The following NOL8 variants were observed in gnomAD, a reference collection of about 807,000 sequenced individuals.
NOL8 encodes nucleolar protein 8.
Under a neutral mutation model 116.1 loss-of-function variants are expected in NOL8, and 93 were observed. That is an observed-to-expected ratio of 0.80 (90% confidence interval 0.68 to 0.95). The LOEUF (loss-of-function observed/expected upper bound fraction) is 0.95, where lower values mean the gene tolerates loss of function less well. Ranked by LOEUF, NOL8 falls within the 40% of genes least tolerant of loss-of-function variation. The pLI is 0.00. For synonymous variants in NOL8, 419 were observed against 469.0 expected (o/e 0.89, Z 1.38); for missense variants, 1,291 against 1,382.8 (o/e 0.93, Z 1.05).
At chr9:92,307,852 G>A (rs1437443337) in intron 10 of NOL8, among the ~76,000 whole-genome samples, 1 of 152,174 alleles carries the variant, frequency 6.6e-6, no homozygotes, top group African/African-American at 2.4e-5. Context: ...ATCCCTAGAG[G>A]TGGTAGGAAA....
intron 6 of NOL8, among the ~76,000 whole-genome samples, chr9:92,317,744 C>T (rs114684129): frequency 0.031 from 4,696 of 152,116 alleles, 112 homozygotes; most frequent in South Asian, 0.079. Context: ...CTAAAGAATA[C>T]ATCAAGACGG....
chr9:92,314,439 T>C lies in NOL8; in HGVS notation c.2186A>G (p.Lys729Arg), dbSNP rs754824120. The change falls in exon 7 of 17, where the codon AAG (lysine) becomes AGG (arginine). Residue 729 changes from lysine to arginine, a missense_variant. By Grantham distance (26) the Lys-to-Arg change is conservative. Coordinates refer to ENST00000442668, the MANE Select transcript of NOL8 (RefSeq NM_017948.6). ...ATCAGTTTTGATTTCCCGAGTGTCC[T>C]TGGATGAGACCTTTGGTGATTTCTT... ...SLKKSPKVSS[K>R]DTREIKTDFS... is the part of the protein sequence containing the mutation. 6.2e-7 allele frequency: 1 copy of C among 1,613,382 alleles called. No homozygotes were observed. Among genetic ancestry groups the C allele is most frequent in the Non-Finnish European group, 8.5e-7 (1 of 1,179,386 alleles).
Position 92,314,403 on chromosome 9 carries a change from GA to G in NOL8, c.2221del (p.Ser741LeufsTer8), listed in dbSNP as rs769462187. The G allele has an allele frequency of 2.5e-6, 4 of 1,613,600 alleles. No homozygotes were observed. The highest frequency in any genetic ancestry group is 3.4e-6 in the Non-Finnish European group (4 of 1,179,566). Reference sequence around the variant, plus strand: ...ACTCACATCTGACGAATTACTAATAGAAAGTGAGAAATCAGTTTTGATTTCC... The same window carrying G: ...ACTCACATCTGACGAATTACTAATAGAAGTGAGAAATCAGTTTTGATTTCC... ...TREIKTDFSL[S>X]ISNSSDVSAK... On this transcript the variant is annotated frameshift_variant, in exon 7 of 17. Transcript: ENST00000442668. LOFTEE classifies it high-confidence loss of function.
At chr9:92,307,140 G>GCTTAAGTTGATTTGCA in intron 10 of NOL8, 116 bp from the exon 11 acceptor site, 2 of 1,109,960 alleles carry the variant, frequency 1.8e-6, no homozygotes, top group Non-Finnish European at 2.5e-6. Flanking sequence ...ACAGGAAGAA[G>GCTTAAGTTGATTTGCA]AAACTTTAAC....
chr9:92,318,451 AT>A (rs1015462899), intron 6 of NOL8, among the ~76,000 whole-genome samples, 166 bp downstream of exon 6: 11 of 152,040 alleles, frequency 7.2e-5, no homozygotes, highest in African/African-American at 2.2e-4. Context: ...ACCTCAATCC[AT>A]TTTCTCATGC....
At chr9:92,303,089 A>C (rs183627976) in intron 12 of NOL8, among the ~76,000 whole-genome samples, 24 of 152,336 alleles carry the variant, frequency 1.6e-4, no homozygotes, top group African/African-American at 5.5e-4. Flanking sequence ...CCTACTGATT[A>C]CAGTGAAATA....
At chr9:92,320,714 C>G (rs1839853579) in intron 4 of NOL8, among the ~76,000 whole-genome samples, 1 of 151,900 alleles carries the variant, frequency 6.6e-6, no homozygotes. Context: ...TCAAGTGATT[C>G]TCCTGCCTCA....
intron 12 of NOL8, among the ~76,000 whole-genome samples, chr9:92,303,441 T>G (rs1837929384): frequency 6.6e-6 from 1 of 152,348 alleles, no homozygotes; most frequent in East Asian, 1.9e-4. Context: ...AATAGTTTTA[T>G]CGGCACACAG....
intron 4 of NOL8, among the ~76,000 whole-genome samples, chr9:92,321,241 C>A (rs890650653): frequency 6.6e-6 from 1 of 152,164 alleles, no homozygotes; most frequent in Non-Finnish European, 1.5e-5. Context: ...ATATGTGCTC[C>A]AGGATCATCT....
At position 92,315,852 on chromosome 9, in the gene NOL8, G is replaced by A; in HGVS notation, c.773C>T (p.Thr258Ile). ...LTQQQAAQKRTCDSITPSKSS... is the reference protein window; with the variant it reads ...LTQQQAAQKRICDSITPSKSS... ...TTTAGAAGGAGTAATGGAATCACAA[G>A]TTCTTTTTTGTGCAGCCTGTTGCTG... The change falls in exon 7 of 17, where the codon ACT (threonine) becomes ATT (isoleucine). Residue 258 changes from threonine (T) to isoleucine (I), a missense_variant. Transcript: ENST00000442668. 2 of 1,613,958 alleles carry A rather than the reference G, an allele frequency of 1.2e-6. No individual in the cohort carries two copies. The highest frequency in any genetic ancestry group is 4.5e-5 in the East Asian group (2 of 44,882).
chr9:92,308,337 G>A (rs1838463051), intron 10 of NOL8, among the ~76,000 whole-genome samples: 1 of 152,130 alleles, frequency 6.6e-6, no homozygotes, highest in African/African-American at 2.4e-5. Context: ...ACTCCAGCCT[G>A]AGGAACACAG....
At position 92,315,652 on chromosome 9, in the gene NOL8, A is replaced by T; in HGVS notation, c.973T>A (p.Ser325Thr). The change falls in exon 7 of 17, where the codon TCA becomes ACA. Residue 325 changes from serine (S) to threonine (T), a missense_variant. Ser to Thr is a moderately conservative substitution (Grantham distance 58). Transcript: ENST00000442668. ...GGATCACTTTCAGATTCATTTATTG[A>T]GGGTTGTGTAGTTCTCTGTAAGTTT... ...EENLQRTTQP[S>T]INESESDPFE... The T allele has an allele frequency of 6.2e-7, 1 of 1,612,954 alleles. No homozygotes were observed. Among genetic ancestry groups the T allele is most frequent in the South Asian group, 1.1e-5 (1 of 90,912 alleles).
chr9:92,300,386 G>A, intron 13 of NOL8: 1 of 988,432 alleles, frequency 1.0e-6, no homozygotes, highest in Non-Finnish European at 1.2e-6. Flanking sequence ...GGGAAATCAG[G>A]TTTCCCTCTT....
Position 92,314,515 on chromosome 9 carries a change from T to A in NOL8, c.2110A>T (p.Thr704Ser), listed in dbSNP as rs1192516569. Reference protein sequence around the residue: ...DKDSCHSTTKTEASQEERSDS... With the variant: ...DKDSCHSTTKSEASQEERSDS... Reference sequence around the variant, plus strand: ...GACCGCTCTTCCTGTGAAGCTTCTGTCTTTGTGGTACTATGGCAGCTGTCT... The same window carrying A: ...GACCGCTCTTCCTGTGAAGCTTCTGACTTTGTGGTACTATGGCAGCTGTCT... Residue 704 changes from threonine (T) to serine (S), a missense_variant, in exon 7 of 17, where the codon ACA becomes TCA. Transcript: ENST00000442668. The A allele has an allele frequency of 1.2e-6, 2 of 1,613,584 alleles. No individual in the cohort carries two copies. The highest frequency in any genetic ancestry group is 1.7e-6 in the Non-Finnish European group (2 of 1,179,734).
chr9:92,312,035 A>G (rs1838842634), intron 7 of NOL8, among the ~76,000 whole-genome samples: 1 of 152,196 alleles, frequency 6.6e-6, no homozygotes, highest in Non-Finnish European at 1.5e-5. Flanking sequence ...AAAGAATGCA[A>G]TCATGTCCCT....
chr9:92,305,600 T>C (rs1002725043), intron 12 of NOL8, among the ~76,000 whole-genome samples, 153 bp downstream of exon 12: 2 of 152,186 alleles, frequency 1.3e-5, no homozygotes, highest in Admixed American at 6.5e-5. Flanking sequence ...ACATCAATAA[T>C]TCCTTTCTAA....
chr9:92,303,127 G>A (rs1222415137), intron 12 of NOL8, among the ~76,000 whole-genome samples: 1 of 151,962 alleles, frequency 6.6e-6, no homozygotes, highest in Non-Finnish European at 1.5e-5. Flanking sequence ...ACTAAAGGGA[G>A]GAATTTTTTT....
chr9:92,299,377 A>G (rs1023225500), intron 14 of NOL8, among the ~76,000 whole-genome samples: 15 of 152,136 alleles, frequency 9.9e-5, no homozygotes, highest in Non-Finnish European at 1.5e-5. Flanking sequence ...TGCACAAACT[A>G]TCTTCCCCTT....
At chr9:92,323,405 C>G (rs1471764785) in intron 3 of NOL8, 36 bp downstream of exon 3, 1 of 1,569,596 alleles carries the variant, frequency 6.4e-7, no homozygotes, top group African/African-American at 1.3e-5. Context: ...GTCATACAAA[C>G]TGGCAAACAG....
Sources: allele counts gnomAD v4.1 joint callset (sites outside exome capture counted in the v4.1 genomes callset), GRCh38; gene constraint gnomAD v4.1.1; transcripts MANE v1.5; gene names NCBI Gene and HGNC (gene_info 2026-07-23, HGNC 2026-07-21).